JAK2: variants seen among roughly 807,000 people sequenced by gnomAD.
The protein encoded by JAK2 is Janus kinase 2.
A neutral mutation model predicts 139.3 loss-of-function variants in JAK2; 86 were observed. That is an observed-to-expected ratio of 0.62 (90% CI 0.52 to 0.74). The LOEUF (loss-of-function observed/expected upper bound fraction) is 0.74, where lower values mean the gene tolerates loss of function less well. Among genes scored for constraint, JAK2 ranks in the 30% least tolerant of loss-of-function variants. The pLI is 0.00. For synonymous variants in JAK2, 490 were observed against 437.7 expected, an observed-to-expected ratio of 1.12 and a Z score of -1.49; for missense variants, 1,421 against 1,360.3, an observed-to-expected ratio of 1.04 and a Z score of -0.70.
chr9:5,047,475 G>A (rs1817091077), intron 5 of JAK2, among the ~76,000 whole-genome samples: 1 of 152,138 alleles, frequency 6.6e-6, no homozygotes, highest in South Asian at 2.1e-4. Context: ...GCTGACATGT[G>A]AACAACTTTT....
At chr9:5,011,075 C>T (rs1046026594) in intron 2 of JAK2, among the ~76,000 whole-genome samples, 1 of 152,106 alleles carries the variant, frequency 6.6e-6, no homozygotes, top group Admixed American at 6.5e-5. Context: ...AGCAGTTTGG[C>T]TATAATGTGA....
At chr9:5,115,098 G>A (rs895756506) in intron 22 of JAK2, among the ~76,000 whole-genome samples, 2 of 152,128 alleles carry the variant, frequency 1.3e-5, no homozygotes, top group Non-Finnish European at 2.9e-5. Context: ...CAGCTGCATA[G>A]CAAAAGAAAC....
chr9:5,001,132 A>G (rs1820903344), intron 2 of JAK2, among the ~76,000 whole-genome samples: 1 of 152,174 alleles, frequency 6.6e-6, no homozygotes, highest in African/African-American at 2.4e-5. Context: ...GATAAATACA[A>G]TCATGTCTGC....
intron 2 of JAK2, among the ~76,000 whole-genome samples, chr9:5,020,165 C>T (rs186852719): frequency 2.3e-4 from 35 of 152,158 alleles, no homozygotes; most frequent in African/African-American, 6.5e-4. Flanking sequence ...GTGCTTATGT[C>T]GGCAGTGACG....
rs1458600731 is a variant in JAK2 at position 5,123,124 on chromosome 9, C to T, written c.3177+3C>T. 5.2e-6 allele frequency: 8 copies of T among 1,553,258 alleles called. No homozygotes were observed. Among genetic ancestry groups the T allele is most frequent in the Non-Finnish European group, 7.0e-6 (8 of 1,137,682 alleles). ...AGAAGAGTAAAAGTCCACCAGCGGT[C>T]AGTGTGCTTTTTATTTACTTTCAGT... On this transcript the variant is annotated splice_donor_region_variant and intron_variant, in intron 23 of 24. Coordinates refer to ENST00000381652, the MANE Select transcript of JAK2 (RefSeq NM_004972.4).
rs1379529915 is a variant in JAK2 at position 5,128,720 on chromosome 9, C to CT, written c.*1933dup. Reference sequence around the variant, plus strand: ...AAAATTCCAAGTTTCCAAGAGACTTCTTTTCATTGAGGCTTCGTAAAGTTT... The same window carrying CT: ...AAAATTCCAAGTTTCCAAGAGACTTCTTTTTCATTGAGGCTTCGTAAAGTTT... On this transcript the variant is annotated 3_prime_UTR_variant, in exon 25 of 25. Coordinates refer to ENST00000381652, the MANE Select transcript of JAK2 (RefSeq NM_004972.4). Among the ~76,000 whole-genome samples the CT allele has an allele frequency of 6.6e-6, 1 of 151,866 alleles. No individual in the cohort carries two copies. Among genetic ancestry groups the CT allele is most frequent in the Non-Finnish European group, 1.5e-5 (1 of 67,826 alleles).
chr9:5,039,520 C>G (rs755252103), intron 4 of JAK2, among the ~76,000 whole-genome samples: 16 of 151,980 alleles, frequency 1.1e-4, no homozygotes, highest in Non-Finnish European at 1.5e-4. Flanking sequence ...GGTTCTGGAA[C>G]TAGTACTGCA....
At chr9:4,995,590 A>C (rs2129768838) in intron 2 of JAK2, among the ~76,000 whole-genome samples, 1 of 152,292 alleles carries the variant, frequency 6.6e-6, no homozygotes, top group African/African-American at 2.4e-5. Flanking sequence ...ACTTTGTTTC[A>C]TTCTAAAAAT....
At chr9:5,019,500 CATT>C (rs1477124607) in intron 2 of JAK2, among the ~76,000 whole-genome samples, 2 of 151,952 alleles carry the variant, frequency 1.3e-5, no homozygotes, top group Non-Finnish European at 2.9e-5. Flanking sequence ...TCTTTAATAT[CATT>C]ATTTTTAATT....
rs569546230 is a variant in JAK2, at chr9:5,104,970, C to A, written c.3059+14059C>A. ...CAATATCATACTGAATGGGCAAAAA[C>A]TGGAAGCATTCCCTTTGAAAACTGG... On this transcript the variant is annotated intron_variant, in intron 22 of 24. Coordinates refer to ENST00000381652, the MANE Select transcript of JAK2 (RefSeq NM_004972.4). Among the ~76,000 whole-genome samples the A allele has an allele frequency of 5.9e-5, 9 of 152,274 alleles. No homozygotes were observed. The South Asian group carries it at 1.9e-3, about 32-fold the overall frequency.
intron 3 of JAK2, 63 bp downstream of exon 3, chr9:5,022,276 A>G (rs1009626169): frequency 2.8e-6 from 3 of 1,086,942 alleles, no homozygotes; most frequent in South Asian, 1.3e-5. Context: ...TGCTATGCTA[A>G]TACTAGGTAC....
chr9:5,071,604 T>A (rs1818954097), intron 12 of JAK2, among the ~76,000 whole-genome samples: 1 of 152,084 alleles, frequency 6.6e-6, no homozygotes, highest in South Asian at 2.1e-4. Flanking sequence ...TCTGAAGAAA[T>A]TAAGAATGCA....
At chr9:5,112,507 C>A (rs576375080) in intron 22 of JAK2, 1 of 565,450 alleles carries the variant, frequency 1.8e-6, no homozygotes, top group East Asian at 3.1e-5. Context: ...GGAAGATGAC[C>A]TTTTCCCCCC....
intron 22 of JAK2, among the ~76,000 whole-genome samples, chr9:5,093,532 C>A (rs781190726): frequency 7.2e-5 from 11 of 152,134 alleles, no homozygotes; most frequent in Admixed American, 6.5e-5. Flanking sequence ...GAGAAGACCC[C>A]ATGGCACTTT....
intron 22 of JAK2, chr9:5,094,962 G>A (rs1160070496): frequency 2.6e-5 from 4 of 151,918 alleles, no homozygotes; most frequent in African/African-American, 9.7e-5. Flanking sequence ...ACTTACATTA[G>A]CATTCTGCAT....
At chr9:4,993,255 T>C (rs1471885103) in intron 2 of JAK2, among the ~76,000 whole-genome samples, 1 of 152,198 alleles carries the variant, frequency 6.6e-6, no homozygotes, top group East Asian at 1.9e-4. Context: ...ATATTTCGTC[T>C]GAAAGGATCT....
rs571352754 is a variant in JAK2, at chr9:5,105,463, C to T, written c.3059+14552C>T. On this transcript the variant is annotated intron_variant, in intron 22 of 24. Coordinates refer to ENST00000381652, the MANE Select transcript of JAK2 (RefSeq NM_004972.4). ...TTCCATGCTCATGGATAGGAAGAAT[C>T]AATATCGTGAAAATGGCGATACTGC... Among the ~76,000 whole-genome samples, 24 of 152,262 alleles carry T rather than the reference C, an allele frequency of 1.6e-4. 1 individual carries two copies. The highest frequency in any genetic ancestry group is 2.6e-4 in the Non-Finnish European group (18 of 68,010).
chr9:5,038,158 G>T (rs1816205809), intron 4 of JAK2, among the ~76,000 whole-genome samples: 1 of 152,050 alleles, frequency 6.6e-6, no homozygotes, highest in African/African-American at 2.4e-5. Flanking sequence ...TTGTTTAATG[G>T]ATACAGTGTT....
At chr9:5,088,709 G>C (rs1442584754) in intron 19 of JAK2, among the ~76,000 whole-genome samples, 1 of 152,200 alleles carries the variant, frequency 6.6e-6, no homozygotes, top group Admixed American at 6.5e-5. Context: ...GGCAGGGATT[G>C]GTTTCTAGTG....
Sources: allele counts gnomAD v4.1 joint callset (sites outside exome capture counted in the v4.1 genomes callset), GRCh38; gene constraint gnomAD v4.1.1; transcripts MANE v1.5; gene names NCBI Gene and HGNC (gene_info 2026-07-23, HGNC 2026-07-21).